INCENP: variants seen among roughly 807,000 people sequenced by gnomAD.
The protein encoded by INCENP is inner centromere protein.
INCENP carries 43 observed loss-of-function variants against 107.3 expected under a neutral mutation model. The ratio of observed to expected loss-of-function variants is 0.40; its 90% CI spans 0.31 to 0.52. The LOEUF (loss-of-function observed/expected upper bound fraction) is 0.52, where lower values mean the gene tolerates loss of function less well. Among genes scored for constraint, INCENP ranks in the 20% least tolerant of loss-of-function variants. INCENP has a pLI of 0.53. For missense variants in INCENP, 1,089 were observed against 1,250.9 expected (o/e 0.87, Z 1.95); for synonymous variants, 488 against 494.4 (o/e 0.99, Z 0.17).
At position 62,145,195 on chromosome 11, in the gene INCENP, T is replaced by C. The variant is rs1291418954; in HGVS notation, c.1742T>C (p.Val581Ala). The C allele has an allele frequency of 1.9e-6, 3 of 1,613,986 alleles. No homozygotes were observed. Among genetic ancestry groups the C allele is most frequent in the Non-Finnish European group, 2.5e-6 (3 of 1,180,012 alleles). Residue 581 changes from valine (V) to alanine (A), a missense_variant, in exon 13 of 19, where the codon GTG (valine) becomes GCG (alanine). By Grantham distance (64) the Val-to-Ala change is moderately conservative (BLOSUM62 0). Transcript: ENST00000394818. ...KLKREERLRKVLQARERVEQM... is the reference protein window; with the variant it reads ...KLKREERLRKALQARERVEQM... Reference sequence around the variant, plus strand: ...AAGCGTGAGGAACGCCTCCGCAAGGTGCTGCAGGCCCGCGAGCGGGTGGAG... The same window carrying C: ...AAGCGTGAGGAACGCCTCCGCAAGGCGCTGCAGGCCCGCGAGCGGGTGGAG...
intron 15 of INCENP, 40 bp from the exon 16 acceptor site, chr11:62,148,436 C>G (rs1565102803): frequency 6.4e-7 from 1 of 1,565,282 alleles, no homozygotes; most frequent in Non-Finnish European, 8.7e-7. Flanking sequence ...TGGGCTGGGC[C>G]TCCACTTCCT....
chr11:62,150,436 C>G (rs910635179), intron 18 of INCENP, among the ~76,000 whole-genome samples: 1 of 152,200 alleles, frequency 6.6e-6, no homozygotes, highest in African/African-American at 2.4e-5. Context: ...TTCCTTTGTT[C>G]TCAACAAATA....
In INCENP at chr11:62,130,421, G is replaced by T; in HGVS notation, c.894G>T (p.Thr298=). Residue 298 remains threonine, a synonymous_variant, in exon 4 of 19, where the codon ACG becomes ACT. Coordinates refer to ENST00000394818, the MANE Select transcript of INCENP (RefSeq NM_001040694.2). ...TCTCCACGCCCACGGGCTCTCGCAC[G>T]GACTCTCAATCGGTGCGGCACAGCC... The part of the protein sequence containing the change: ...DNFSTPTGSR[T]DSQSVRHSPI... 1 of 1,613,750 alleles carries T rather than the reference G, an allele frequency of 6.2e-7. No individual in the cohort carries two copies. Among genetic ancestry groups the T allele is most frequent in the Non-Finnish European group, 8.5e-7 (1 of 1,180,042 alleles).
chr11:62,134,865 C>T (rs1654735028), intron 4 of INCENP, among the ~76,000 whole-genome samples: 1 of 152,152 alleles, frequency 6.6e-6, no homozygotes, highest in African/African-American at 2.4e-5. Flanking sequence ...TCTTGGCCAA[C>T]ATGGTGAAAC....
chr11:62,132,011 A>G (rs1943903920), intron 4 of INCENP, among the ~76,000 whole-genome samples: 1 of 151,640 alleles, frequency 6.6e-6, no homozygotes, highest in Admixed American at 6.6e-5. Flanking sequence ...CTGGTTTCGA[A>G]CTCCTGACCT....
chr11:62,148,668 C>A, intron 16 of INCENP, 71 bp from the exon 17 acceptor site: 1 of 1,322,680 alleles, frequency 7.6e-7, no homozygotes, highest in Admixed American at 2.3e-5. Flanking sequence ...GAGAATGGAG[C>A]GGAGGGAAGG....
chr11:62,144,660 A>G, intron 11 of INCENP: 2 of 618,684 alleles, frequency 3.2e-6, no homozygotes, highest in South Asian at 2.8e-5. Flanking sequence ...TTTTCAATGC[A>G]CAGTTTATGT....
rs183921257 is a variant in INCENP, at chr11:62,144,288, C to T, written c.1606-694C>T. On this transcript the variant is annotated intron_variant, in intron 11 of 18. Transcript: ENST00000394818. ...TGGAGGGTGCAGTGAGCCGAGATCGCGCCATTGCACTCCAGCCTGGGTGAC... is the reference window on the plus strand; with the variant it reads ...TGGAGGGTGCAGTGAGCCGAGATCGTGCCATTGCACTCCAGCCTGGGTGAC... Among the ~76,000 whole-genome samples, 899 of 149,996 alleles carry T rather than the reference C, an allele frequency of 6.0e-3. 6 individuals carry two copies. Among genetic ancestry groups the T allele is most frequent in the African/African-American group, 0.018 (746 of 40,388 alleles).
In INCENP at chr11:62,151,844, G is replaced by A. The variant is rs759481656; in HGVS notation, c.2625G>A (p.Leu875=). 2 of 1,614,042 alleles carry A rather than the reference G, an allele frequency of 1.2e-6. No individual in the cohort carries two copies. Among genetic ancestry groups the A allele is most frequent in the Non-Finnish European group, 1.7e-6 (2 of 1,180,016 alleles). Residue 875 remains leucine (L), a synonymous_variant, in exon 19 of 19, where the codon CTG becomes CTA. Coordinates refer to ENST00000394818, the MANE Select transcript of INCENP (RefSeq NM_001040694.2). The part of the protein sequence containing the change: ...LLELFGTILP[L]DLEDIFKKSK... ...AGCTCTTTGGAACCATTCTCCCACT[G>A]GACTTGGAGGATATCTTCAAGAAGA...
Position 62,150,149 on chromosome 11 carries a change from C to T in INCENP, c.2484C>T (p.Ser828=), listed in dbSNP as rs564081482. The part of the protein sequence containing the change: ...NPDNYGMDLN[S]DDSTDDEAHP... The stretch of plus-strand genomic sequence containing the variant: ...ATAACTACGGGATGGATCTGAATAG[C>T]GACGACTCCACCGATGATGAGGCCC... The change falls in exon 18 of 19, where the codon AGC becomes AGT. Residue 828 remains serine (S), a synonymous_variant. Coordinates refer to ENST00000394818, the MANE Select transcript of INCENP (RefSeq NM_001040694.2). 9.3e-6 allele frequency: 15 copies of T among 1,613,982 alleles called. No individual in the cohort carries two copies. Among genetic ancestry groups the T allele is most frequent in the South Asian group, 8.8e-5 (8 of 91,076 alleles).
Position 62,140,685 on chromosome 11 carries a change from G to C in INCENP, c.1344-19G>C. ...CTGTGGCGGGCTGCCCTGTGATGCCGCCGCCCGCGCCTTGGCAGGAGGAAG... is the reference window on the plus strand; with the variant it reads ...CTGTGGCGGGCTGCCCTGTGATGCCCCCGCCCGCGCCTTGGCAGGAGGAAG... On this transcript the variant is annotated intron_variant, in intron 8 of 18. Coordinates refer to ENST00000394818, the MANE Select transcript of INCENP (RefSeq NM_001040694.2). 6.5e-7 allele frequency: 1 copy of C among 1,544,664 alleles called. No homozygotes were observed.
intron 4 of INCENP, among the ~76,000 whole-genome samples, chr11:62,135,910 C>T (rs1406193097): frequency 2.6e-5 from 4 of 151,794 alleles, no homozygotes; most frequent in East Asian, 1.9e-4. Context: ...CCCGGGTTCA[C>T]GCCATTCTCC....
intron 8 of INCENP, 132 bp from the exon 9 acceptor site, chr11:62,140,572 T>A: frequency 1.3e-6 from 1 of 776,316 alleles, no homozygotes; most frequent in Non-Finnish European, 2.1e-6. Context: ...GAGGGTTGCT[T>A]AGGCTCTGCA....
chr11:62,128,292 T>C lies in INCENP; in HGVS notation c.131T>C (p.Met44Thr). 1 of 1,614,078 alleles carries C rather than the reference T, an allele frequency of 6.2e-7. No individual in the cohort carries two copies. The highest frequency in any genetic ancestry group is 8.5e-7 in the Non-Finnish European group (1 of 1,180,008). The change falls in exon 2 of 19, where the codon ATG (methionine) becomes ACG (threonine). Residue 44 changes from methionine to threonine, a missense_variant. Met to Thr is a moderately conservative substitution (Grantham distance 81, BLOSUM62 -1). Coordinates refer to ENST00000394818, the MANE Select transcript of INCENP (RefSeq NM_001040694.2). ...GAAATCCAAGAGGAGGCCGAGCGCA[T>C]GTTCACCAGGTGAAGACGGGCACAG... ...LEEIQEEAERMFTREFSKEPE... is the reference protein window; with the variant it reads ...LEEIQEEAERTFTREFSKEPE...
intron 11 of INCENP, 138 bp from the exon 12 acceptor site, chr11:62,144,844 G>T (rs1944202661): frequency 2.4e-6 from 2 of 828,130 alleles, no homozygotes; most frequent in African/African-American, 3.3e-5. Flanking sequence ...GCCACGTTGG[G>T]GATACCTCTG....
chr11:62,142,509 G>T (rs1291642005), intron 11 of INCENP, among the ~76,000 whole-genome samples: 1 of 152,254 alleles, frequency 6.6e-6, no homozygotes, highest in Non-Finnish European at 1.5e-5. Flanking sequence ...CATCTAGTGG[G>T]TGGGGACAGT....
chr11:62,148,941 A>G, intron 17 of INCENP, 95 bp downstream of exon 17: 1 of 682,714 alleles, frequency 1.5e-6, no homozygotes, highest in Non-Finnish European at 2.4e-6. Flanking sequence ...TTAGGCCCCT[A>G]AGGAAAAGGA....
At chr11:62,132,484 C>T (rs1943912562) in intron 4 of INCENP, among the ~76,000 whole-genome samples, 1 of 152,218 alleles carries the variant, frequency 6.6e-6, no homozygotes. Context: ...TGCAGTCTGC[C>T]ACACTGTCTA....
Position 62,140,297 on chromosome 11 carries a change from G to A in INCENP, c.1343+12G>A. 1 of 1,612,356 alleles carries A rather than the reference G, an allele frequency of 6.2e-7. No homozygotes were observed. Among genetic ancestry groups the A allele is most frequent in the East Asian group, 2.2e-5 (1 of 44,848 alleles). ...CCGCAGAGTGCCAGGTTTGCATCCG[G>A]GAAGGGGTGTGTAGGTAACTCTGAG... On this transcript the variant is annotated intron_variant, in intron 8 of 18. Coordinates refer to ENST00000394818, the MANE Select transcript of INCENP (RefSeq NM_001040694.2).
Sources: allele counts gnomAD v4.1 joint callset (sites outside exome capture counted in the v4.1 genomes callset), GRCh38; gene constraint gnomAD v4.1.1; transcripts MANE v1.5; gene names NCBI Gene and HGNC (gene_info 2026-07-23, HGNC 2026-07-21).